Variants in GRM8 observed in about 807,000 individuals in gnomAD.
GRM8 encodes the protein glutamate metabotropic receptor 8, also known as metabotropic glutamate receptor 8.
In GRM8, 47 loss-of-function variants were observed where a neutral mutation model predicts 87.2. The ratio of observed to expected loss-of-function variants is 0.54; its 90% CI spans 0.43 to 0.69. GRM8 has a LOEUF of 0.69. Among genes scored for constraint, GRM8 ranks in the 30% least tolerant of loss-of-function variants. The probability of loss-of-function intolerance (pLI) is 0.00; values close to 1 mark genes in which losing one functional copy is unlikely to be tolerated. For synonymous variants in GRM8, 396 were observed against 404.5 expected (o/e 0.98, Z 0.25); for missense variants, 1,019 against 1,139.2 (o/e 0.89, Z 1.52).
Position 126,558,764 on chromosome 7 carries a change from T to A in GRM8, c.1495-24877A>T, listed in dbSNP as rs894698257. On this transcript the variant is annotated intron_variant, in intron 8 of 10. Coordinates refer to ENST00000339582, the MANE Select transcript of GRM8 (RefSeq NM_000845.3). Reference sequence around the variant, plus strand: ...CTGTGGTTGACTGAATCCACAGATGTGGAACCTGCAGATACCAAGGGCTGA... The same window carrying A: ...CTGTGGTTGACTGAATCCACAGATGAGGAACCTGCAGATACCAAGGGCTGA... Among the ~76,000 whole-genome samples the A allele has an allele frequency of 9.2e-5, 14 of 152,312 alleles. No homozygotes were observed. The East Asian group carries it at 2.7e-3, about 29-fold the overall frequency.
intron 3 of GRM8, among the ~76,000 whole-genome samples, chr7:126,942,580 T>A (rs946962474): frequency 3.3e-5 from 5 of 152,192 alleles, no homozygotes; most frequent in Admixed American, 3.3e-4. Flanking sequence ...TACCTTGGTC[T>A]GTGCTACTGC....
chr7:126,853,419 G>C (rs1410744962), intron 6 of GRM8, among the ~76,000 whole-genome samples: 1 of 152,064 alleles, frequency 6.6e-6, no homozygotes, highest in Non-Finnish European at 1.5e-5. Flanking sequence ...GAATAGGTGA[G>C]CCTCTAATGG....
At chr7:126,921,807 T>G (rs1418642158) in intron 3 of GRM8, among the ~76,000 whole-genome samples, 3 of 152,134 alleles carry the variant, frequency 2.0e-5, no homozygotes, top group African/African-American at 7.2e-5. Flanking sequence ...ATGCATACCT[T>G]TTTTTAGGAA....
chr7:126,557,527 G>T, intron 8 of GRM8, among the ~76,000 whole-genome samples: 1 of 151,730 alleles, frequency 6.6e-6, no homozygotes, highest in Non-Finnish European at 1.5e-5. Flanking sequence ...AGTGGCGATC[G>T]TAAGAAATTT....
At chr7:127,012,520 G>C (rs978234077) in intron 3 of GRM8, among the ~76,000 whole-genome samples, 2 of 151,882 alleles carry the variant, frequency 1.3e-5, no homozygotes, top group African/African-American at 2.4e-5. Flanking sequence ...GCAGGCATTT[G>C]GGCCTTCCGC....
intron 2 of GRM8, among the ~76,000 whole-genome samples, chr7:127,121,658 C>T (rs1827096437): frequency 6.6e-6 from 1 of 152,150 alleles, no homozygotes; most frequent in African/African-American, 2.4e-5. Flanking sequence ...AACTTATAAT[C>T]ATAGCAGAAG....
At chr7:126,862,924 A>G (rs193284098) in intron 6 of GRM8, among the ~76,000 whole-genome samples, 1 of 152,148 alleles carries the variant, frequency 6.6e-6, no homozygotes, top group East Asian at 1.9e-4. Context: ...GTATTTTGTT[A>G]GTAATTTCTC....
intron 6 of GRM8, among the ~76,000 whole-genome samples, chr7:126,832,969 A>G (rs997916271): frequency 1.3e-5 from 2 of 152,240 alleles, no homozygotes; most frequent in African/African-American, 4.8e-5. Context: ...ACATGATTTT[A>G]TGTTGAAGAC....
chr7:127,015,609 C>T (rs188434800), intron 3 of GRM8, among the ~76,000 whole-genome samples: 3 of 152,204 alleles, frequency 2.0e-5, no homozygotes, highest in Admixed American at 6.5e-5. Flanking sequence ...CAATTCCGAC[C>T]ACTACCCTAT....
At chr7:126,964,835 T>C (rs948376219) in intron 3 of GRM8, among the ~76,000 whole-genome samples, 2 of 152,226 alleles carry the variant, frequency 1.3e-5, no homozygotes, top group Non-Finnish European at 2.9e-5. Context: ...TTATAAATCA[T>C]TCTACTGTAA....
chr7:127,137,617 G>A (rs939601964), intron 2 of GRM8, among the ~76,000 whole-genome samples: 1 of 151,912 alleles, frequency 6.6e-6, no homozygotes, highest in Admixed American at 6.6e-5. Context: ...CTATGATAAT[G>A]AGCTGTTGTT....
At chr7:126,996,701 T>C (rs547916447) in intron 3 of GRM8, among the ~76,000 whole-genome samples, 1 of 151,956 alleles carries the variant, frequency 6.6e-6, no homozygotes. Context: ...GAGACAACAT[T>C]GTTATACAAT....
At chr7:127,217,329 G>GA (rs1384444999) in intron 2 of GRM8, among the ~76,000 whole-genome samples, 1 of 152,144 alleles carries the variant, frequency 6.6e-6, no homozygotes, top group Non-Finnish European at 1.5e-5. Context: ...AACTGTCCTT[G>GA]AAAAGGCAGC....
At chr7:127,082,761 C>T (rs918878063) in intron 3 of GRM8, among the ~76,000 whole-genome samples, 1 of 152,192 alleles carries the variant, frequency 6.6e-6, no homozygotes, top group Non-Finnish European at 1.5e-5. Context: ...AAGCTTAAAA[C>T]TTTACATGGG....
intron 6 of GRM8, among the ~76,000 whole-genome samples, chr7:126,803,695 T>C (rs1274584825): frequency 6.6e-6 from 1 of 152,214 alleles, no homozygotes; most frequent in East Asian, 1.9e-4. Flanking sequence ...CTTAATTATC[T>C]CTAAGCAAGG....
At position 126,533,551 on chromosome 7, in the gene GRM8, T is replaced by A. The variant is rs1447505980; in HGVS notation, c.1831A>T (p.Thr611Ser). 6.2e-7 allele frequency: 1 copy of A among 1,614,028 alleles called. No individual in the cohort carries two copies. The highest frequency in any genetic ancestry group is 1.7e-5 in the Admixed American group (1 of 60,022). The change falls in exon 9 of 11, where the codon ACA (threonine) becomes TCA (serine). Residue 611 changes from threonine to serine, a missense_variant. Physicochemically the swap from Thr to Ser is moderately conservative, Grantham distance 58. Transcript: ENST00000339582. ...VIVTFVRYND[T>S]PIVRASGREL... Reference sequence around the variant, plus strand: ...CGTCCTGAAGCCCTCACGATAGGTGTGTCATTATAGCGGACAAAGGTCACG... The same window carrying A: ...CGTCCTGAAGCCCTCACGATAGGTGAGTCATTATAGCGGACAAAGGTCACG...
intron 7 of GRM8, among the ~76,000 whole-genome samples, chr7:126,625,349 T>C (rs181100712): frequency 1.4e-4 from 22 of 152,278 alleles, no homozygotes; most frequent in African/African-American, 5.1e-4. Flanking sequence ...ACACAATTCG[T>C]TTCCATAAAA....
intron 8 of GRM8, among the ~76,000 whole-genome samples, chr7:126,553,555 C>G (rs1242049629): frequency 1.3e-5 from 2 of 152,094 alleles, no homozygotes; most frequent in East Asian, 3.9e-4. Context: ...CAATGTAATA[C>G]TCTGCTTGGG....
intron 3 of GRM8, among the ~76,000 whole-genome samples, chr7:127,005,255 G>A (rs1004740659): frequency 4.6e-5 from 7 of 150,934 alleles, no homozygotes; most frequent in African/African-American, 1.7e-4. Flanking sequence ...CAAGAGCTGA[G>A]AAACAACTTG....
Sources: gnomAD v4.1 joint callset for allele counts (sites outside exome capture counted in the v4.1 genomes callset) on GRCh38, gnomAD v4.1.1 for gene constraint, MANE v1.5 for transcripts, NCBI Gene and HGNC (gene_info 2026-07-23, HGNC 2026-07-21) for gene names.